The following PIAS2 variants were observed in gnomAD, a reference collection of about 807,000 sequenced individuals.
PIAS2 encodes E3 SUMO-protein ligase PIAS2.
A neutral mutation model predicts 69.7 loss-of-function variants in PIAS2; 19 were observed. That is an observed-to-expected ratio of 0.27 (90% CI 0.19 to 0.40). PIAS2 has a LOEUF of 0.40. PIAS2 is among the 10% of genes least tolerant of loss of function. The probability of loss-of-function intolerance (pLI) is 1.00; values close to 1 mark genes in which losing one functional copy is unlikely to be tolerated. For synonymous variants in PIAS2, 261 were observed against 263.2 expected (o/e 0.99, Z 0.08); for missense variants, 624 against 757.0 (o/e 0.82, Z 2.06).
intron 1 of PIAS2, among the ~76,000 whole-genome samples, chr18:46,912,835 A>T (rs1383455088): frequency 2.0e-5 from 3 of 152,152 alleles, no homozygotes; most frequent in Non-Finnish European, 4.4e-5. Flanking sequence ...ACTATTTTGA[A>T]TTTTTTCAGT....
chr18:46,871,718 T>C (rs1266350538), intron 2 of PIAS2, among the ~76,000 whole-genome samples: 5 of 152,138 alleles, frequency 3.3e-5, no homozygotes, highest in South Asian at 4.1e-4. Flanking sequence ...CTTTTTGTCT[T>C]GGGGGTGAAA....
At chr18:46,814,807 T>G (rs2041339184) in intron 13 of PIAS2, among the ~76,000 whole-genome samples, 1 of 152,130 alleles carries the variant, frequency 6.6e-6, no homozygotes, top group Admixed American at 6.6e-5. Flanking sequence ...CTACTAGGGT[T>G]TCTCATCTTT....
At chr18:46,911,733 T>C (rs1369576657) in intron 1 of PIAS2, among the ~76,000 whole-genome samples, 1 of 152,206 alleles carries the variant, frequency 6.6e-6, no homozygotes, top group African/African-American at 2.4e-5. Flanking sequence ...ATCTTGCCAA[T>C]GTAACAGTAC....
rs1053108072 is a variant in PIAS2, at chr18:46,810,751, A to C, written c.*1682T>G. On this transcript the variant is annotated 3_prime_UTR_variant, in exon 14 of 14. Transcript: ENST00000585916. ...TTGAGAAGGTGAAAGAAAAAAAAAAAAAACCCCAAGCAAGGACAAGTCAGC... is the reference window on the plus strand; with the variant it reads ...TTGAGAAGGTGAAAGAAAAAAAAAACAAACCCCAAGCAAGGACAAGTCAGC... 6.6e-6 allele frequency: 1 copy of C among 151,792 alleles called. No homozygotes were observed. Among genetic ancestry groups the C allele is most frequent in the Non-Finnish European group, 1.5e-5 (1 of 67,988 alleles). 9.4% of individuals were successfully genotyped at this position (151,792 alleles called of 1,614,324 possible).
intron 2 of PIAS2, among the ~76,000 whole-genome samples, chr18:46,873,038 T>C (rs529365347): frequency 1.3e-5 from 2 of 152,338 alleles, no homozygotes; most frequent in South Asian, 4.1e-4. Context: ...GGCCTTTGTA[T>C]CAAAAGTTTT....
At chr18:46,898,611 T>TA (rs1027638882) in intron 1 of PIAS2, among the ~76,000 whole-genome samples, 1 of 152,032 alleles carries the variant, frequency 6.6e-6, no homozygotes, top group African/African-American at 2.4e-5. Context: ...AAAAGAGTAT[T>TA]AAAAAAACCG....
intron 3 of PIAS2, among the ~76,000 whole-genome samples, chr18:46,859,179 A>C (rs1370080190): frequency 1.3e-5 from 2 of 152,328 alleles, no homozygotes; most frequent in African/African-American, 4.8e-5. Flanking sequence ...CCATAATCCC[A>C]GCACTTTGGG....
chr18:46,875,301 G>A (rs981374073), intron 2 of PIAS2, among the ~76,000 whole-genome samples: 11 of 152,198 alleles, frequency 7.2e-5, no homozygotes, highest in African/African-American at 2.7e-4. Flanking sequence ...CCAATATGGA[G>A]GATGGACAGC....
chr18:46,867,101 C>G (rs2049601277), intron 2 of PIAS2, among the ~76,000 whole-genome samples: 1 of 151,642 alleles, frequency 6.6e-6, no homozygotes, highest in African/African-American at 2.4e-5. Flanking sequence ...TATATATGTA[C>G]AATTTATAGA....
At chr18:46,912,613 T>C (rs1048419460) in intron 1 of PIAS2, among the ~76,000 whole-genome samples, 2 of 152,176 alleles carry the variant, frequency 1.3e-5, no homozygotes, top group South Asian at 2.1e-4. Context: ...ATGTAACTGA[T>C]AGAAATCAAA....
intron 3 of PIAS2, among the ~76,000 whole-genome samples, chr18:46,862,636 CATAT>C (rs748784372): frequency 2.6e-5 from 4 of 151,926 alleles, no homozygotes; most frequent in Non-Finnish European, 5.9e-5. Flanking sequence ...TATATACATA[CATAT>C]ATATACACAT....
intron 1 of PIAS2, chr18:46,916,983 C>T: frequency 1.0e-6 from 1 of 986,148 alleles, no homozygotes. Flanking sequence ...TCAAACGTTG[C>T]TTCCCACATC....
chr18:46,879,606 T>C (rs548588878), intron 2 of PIAS2, among the ~76,000 whole-genome samples: 5 of 152,324 alleles, frequency 3.3e-5, no homozygotes, highest in African/African-American at 9.6e-5. Flanking sequence ...GATGTTTGTA[T>C]ACTCACAGTC....
intron 2 of PIAS2, among the ~76,000 whole-genome samples, chr18:46,873,888 C>G (rs1300751060): frequency 6.6e-6 from 1 of 152,166 alleles, no homozygotes; most frequent in Non-Finnish European, 1.5e-5. Flanking sequence ...GCCTTTCTCC[C>G]CCTACCGCCA....
intron 3 of PIAS2, among the ~76,000 whole-genome samples, chr18:46,861,603 T>C (rs953181532): frequency 1.3e-5 from 2 of 152,190 alleles, no homozygotes; most frequent in African/African-American, 4.8e-5. Flanking sequence ...TATGGTACCC[T>C]GAGAAGGGCA....
At chr18:46,893,651 TAAAG>T (rs2054405734) in intron 1 of PIAS2, 1 of 155,604 alleles carries the variant, frequency 6.4e-6, no homozygotes, top group Non-Finnish European at 1.4e-5. Context: ...GCTGCAAAGA[TAAAG>T]TATTGCTGGA....
chr18:46,919,750 T>C (rs938890778), upstream of PIAS2, among the ~76,000 whole-genome samples: 3 of 152,250 alleles, frequency 2.0e-5, no homozygotes, highest in African/African-American at 7.2e-5. Flanking sequence ...GCCTTGTATT[T>C]GTTTAATGAA....
At chr18:46,827,934 A>G (rs2043047871) in intron 11 of PIAS2, 25 bp downstream of exon 11, 1 of 1,604,004 alleles carries the variant, frequency 6.2e-7, no homozygotes, top group Non-Finnish European at 8.5e-7. Context: ...GGTAATGAAC[A>G]ATAGTGAACT....
chr18:46,828,179 A>G (rs2043083732), intron 10 of PIAS2, 49 bp from the exon 11 acceptor site: 9 of 1,501,604 alleles, frequency 6.0e-6, no homozygotes, highest in Non-Finnish European at 7.2e-6. Flanking sequence ...TATAACACAA[A>G]TAAACTCTAG....
Sources: allele counts gnomAD v4.1 joint callset (sites outside exome capture counted in the v4.1 genomes callset), GRCh38; gene constraint gnomAD v4.1.1; transcripts MANE v1.5; gene names NCBI Gene and HGNC (gene_info 2026-07-23, HGNC 2026-07-21).